LDB2: variants seen among roughly 807,000 people sequenced by gnomAD.
LDB2 encodes LIM domain-binding protein 2.
Under a neutral mutation model 44.3 loss-of-function variants are expected in LDB2, and 12 were observed. The ratio of observed to expected loss-of-function variants is 0.27; its 90% CI spans 0.17 to 0.44. LDB2 has a LOEUF of 0.44. Among genes scored for constraint, LDB2 ranks in the 20% least tolerant of loss-of-function variants. The probability of loss-of-function intolerance (pLI) is 1.00; values close to 1 mark genes in which losing one functional copy is unlikely to be tolerated. For synonymous variants in LDB2, 164 were observed against 174.8 expected (o/e 0.94, Z 0.49); for missense variants, 344 against 473.5 (o/e 0.73, Z 2.54).
At chr4:16,661,095 T>C (rs1741452616) in intron 2 of LDB2, among the ~76,000 whole-genome samples, 2 of 151,966 alleles carry the variant, frequency 1.3e-5, no homozygotes, top group African/African-American at 2.4e-5. Context: ...ATAATTACTT[T>C]CCCCCACCTC....
chr4:16,546,544 T>A (rs879371596), intron 5 of LDB2, among the ~76,000 whole-genome samples: 2 of 152,080 alleles, frequency 1.3e-5, no homozygotes, highest in Non-Finnish European at 1.5e-5. Flanking sequence ...TTCATTTGGG[T>A]TTTTCGAGGC....
At chr4:16,579,496 A>G (rs1415514378) in intron 5 of LDB2, among the ~76,000 whole-genome samples, 1 of 152,224 alleles carries the variant, frequency 6.6e-6, no homozygotes, top group African/African-American at 2.4e-5. Flanking sequence ...TAAGGATTAA[A>G]TACTGATTTA....
At chr4:16,559,747 A>T (rs1741323038) in intron 5 of LDB2, among the ~76,000 whole-genome samples, 1 of 152,144 alleles carries the variant, frequency 6.6e-6, no homozygotes, top group South Asian at 2.1e-4. Flanking sequence ...CTCCACCCCA[A>T]ATCAACAGAA....
intron 1 of LDB2, among the ~76,000 whole-genome samples, chr4:16,822,554 C>T (rs571036852): frequency 2.0e-5 from 3 of 152,070 alleles, no homozygotes; most frequent in Admixed American, 1.3e-4. Flanking sequence ...CTTGCTCTTT[C>T]GCCCTGGCTG....
chr4:16,839,132 C>A (rs1785406612), intron 1 of LDB2, among the ~76,000 whole-genome samples: 1 of 152,140 alleles, frequency 6.6e-6, no homozygotes, highest in Non-Finnish European at 1.5e-5. Flanking sequence ...TATATTTAAG[C>A]AAAACCATGA....
chr4:16,751,119 A>G (rs566903934), intron 2 of LDB2, among the ~76,000 whole-genome samples: 82 of 152,318 alleles, frequency 5.4e-4, no homozygotes, highest in Non-Finnish European at 9.8e-4. Context: ...TTTTCTGGTT[A>G]GTACCTCATT....
intron 1 of LDB2, among the ~76,000 whole-genome samples, chr4:16,867,573 T>C (rs1295080446): frequency 6.6e-6 from 1 of 152,180 alleles, no homozygotes; most frequent in Non-Finnish European, 1.5e-5. Context: ...CCCAGGTTTG[T>C]AGTGTTTTCT....
At position 16,897,895 on chromosome 4, in the gene LDB2, AATATATATATATATATATATATATATAT is replaced by A. The variant is rs1174965862; in HGVS notation, c.132+431_132+458del. The stretch of plus-strand genomic sequence containing the variant: ...TTCCTCTAGGATTTGTAAAAAAGAA[AATATATATATATATATATATATATATAT>A]ATATATATATATATACACATATGTA... On this transcript the variant is annotated intron_variant, in intron 1 of 7. Transcript: ENST00000304523. Among the ~76,000 whole-genome samples the A allele has an allele frequency of 5.9e-4, 46 of 78,178 alleles. 3 individuals carry two copies. The highest frequency in any genetic ancestry group is 5.0e-3 in the South Asian group (9 of 1,784). The allele number at this position is 78,178 out of a possible 152,430, so 51.3% of individuals were successfully genotyped here.
intron 1 of LDB2, among the ~76,000 whole-genome samples, chr4:16,817,854 T>C (rs1166296374): frequency 2.0e-5 from 3 of 152,156 alleles, no homozygotes; most frequent in Admixed American, 1.3e-4. Context: ...TCTAGGAAAC[T>C]GCTTACTTGA....
intron 1 of LDB2, chr4:16,889,125 G>C (rs893896386): frequency 6.6e-6 from 1 of 150,712 alleles, no homozygotes; most frequent in Non-Finnish European, 1.5e-5. Flanking sequence ...ACATACACCA[G>C]TTAGCAAACA....
intron 2 of LDB2, among the ~76,000 whole-genome samples, chr4:16,598,877 C>CTTT (rs5856371): frequency 9.0e-5 from 13 of 143,776 alleles, no homozygotes; most frequent in Non-Finnish European, 1.7e-4. Context: ...TTCTTTCTTT[C>CTTT]TTTTTTTTTT....
intron 5 of LDB2, among the ~76,000 whole-genome samples, chr4:16,559,428 A>G (rs1190579762): frequency 6.6e-6 from 1 of 152,230 alleles, no homozygotes; most frequent in African/African-American, 2.4e-5. Context: ...AGTCTCTGAC[A>G]AAACAGACTT....
chr4:16,523,706 G>A (rs1308947796), intron 5 of LDB2, among the ~76,000 whole-genome samples: 1 of 152,044 alleles, frequency 6.6e-6, no homozygotes, highest in African/African-American at 2.4e-5. Flanking sequence ...TAGATAGTGT[G>A]TATCCATTGA....
At chr4:16,721,026 T>C (rs929490105) in intron 2 of LDB2, among the ~76,000 whole-genome samples, 12 of 152,176 alleles carry the variant, frequency 7.9e-5, no homozygotes, top group African/African-American at 2.9e-4. Flanking sequence ...CATTGGATGT[T>C]AGCTGAAGTT....
intron 1 of LDB2, among the ~76,000 whole-genome samples, chr4:16,850,369 CA>C (rs773331030): frequency 0.016 from 2,326 of 147,100 alleles, 67 homozygotes; most frequent in African/African-American, 0.053. Flanking sequence ...CCCTTGCATG[CA>C]AAAAAAAAAT....
chr4:16,629,995 C>T (rs1046953087), intron 2 of LDB2, among the ~76,000 whole-genome samples: 3 of 152,132 alleles, frequency 2.0e-5, no homozygotes, highest in Non-Finnish European at 4.4e-5. Context: ...GAGAATGGAA[C>T]CAACTTGGAA....
intron 6 of LDB2, among the ~76,000 whole-genome samples, chr4:16,510,535 A>G (rs1051121579): frequency 6.6e-6 from 1 of 152,182 alleles, no homozygotes; most frequent in African/African-American, 2.4e-5. Flanking sequence ...TACTTTGACC[A>G]TGAAATTGGG....
chr4:16,779,370 T>A (rs1312712927), intron 1 of LDB2, among the ~76,000 whole-genome samples: 1 of 152,188 alleles, frequency 6.6e-6, no homozygotes, highest in African/African-American at 2.4e-5. Flanking sequence ...AGAAACTAAG[T>A]GCGCTTTCGA....
At chr4:16,521,274 CCTG>C (rs1725968150) in intron 5 of LDB2, among the ~76,000 whole-genome samples, 2 of 152,166 alleles carry the variant, frequency 1.3e-5, no homozygotes, top group Non-Finnish European at 2.9e-5. Flanking sequence ...CATGAAGAAT[CCTG>C]CCATGTCTCA....
Sources: allele counts gnomAD v4.1 joint callset (sites outside exome capture counted in the v4.1 genomes callset), GRCh38; gene constraint gnomAD v4.1.1; transcripts MANE v1.5; gene names NCBI Gene and HGNC (gene_info 2026-07-23, HGNC 2026-07-21).